The following AKAP7 variants were observed in gnomAD, a reference collection of about 807,000 sequenced individuals.
AKAP7 encodes A kinase (PRKA) anchor protein 7.
Under a neutral mutation model 39.5 loss-of-function variants are expected in AKAP7, and 39 were observed. The observed-to-expected ratio is 0.99, with a 90% CI of 0.76 to 1.29. The LOEUF (loss-of-function observed/expected upper bound fraction) is 1.29. AKAP7 is among the 50% of genes most tolerant of loss of function. AKAP7 has a pLI of 0.00. For missense variants in AKAP7, 414 were observed against 407.7 expected, an observed-to-expected ratio of 1.02 and a Z score of -0.13; for synonymous variants, 140 against 139.1, an observed-to-expected ratio of 1.01 and a Z score of -0.05.
chr6:131,231,064 G>C (rs1810586200), intron 7 of AKAP7, among the ~76,000 whole-genome samples: 1 of 152,074 alleles, frequency 6.6e-6, no homozygotes, highest in Non-Finnish European at 1.5e-5. Flanking sequence ...AGTGTAATCT[G>C]TAGATAGTTA....
At chr6:131,258,776 T>C (rs920711947) in intron 7 of AKAP7, among the ~76,000 whole-genome samples, 5 of 152,186 alleles carry the variant, frequency 3.3e-5, no homozygotes, top group Non-Finnish European at 7.3e-5. Context: ...AAATCAGAGA[T>C]ATTTGAGGCT....
chr6:131,250,694 C>CT (rs1402913396), intron 7 of AKAP7: 10 of 1,467,162 alleles, frequency 6.8e-6, no homozygotes, highest in African/African-American at 4.2e-5. Context: ...TAGTTTTGCT[C>CT]TTTTTTTAAT....
In AKAP7 at chr6:131,135,769, G is replaced by A; in HGVS notation, c.6G>A (p.Glu2=). 4.1e-6 allele frequency: 5 copies of A among 1,229,420 alleles called. No individual in the cohort carries two copies. The highest frequency in any genetic ancestry group is 5.1e-6 in the Non-Finnish European group (5 of 987,496). The allele number at this position is 1,229,420 out of a possible 1,614,324, so 76.2% of individuals were successfully genotyped here. M[E]RPEAGGINSN... Reference sequence around the variant, plus strand: ...CGCCCGCATGCGCCGCGACCATGGAGCGCCCCGAAGCGGGTGAGACCGGGC... The same window carrying A: ...CGCCCGCATGCGCCGCGACCATGGAACGCCCCGAAGCGGGTGAGACCGGGC... The change falls in exon 1 of 8, where the codon GAG becomes GAA. Residue 2 remains glutamate, a synonymous_variant. Coordinates refer to ENST00000431975, the MANE Select transcript of AKAP7 (RefSeq NM_016377.4).
intron 7 of AKAP7, among the ~76,000 whole-genome samples, chr6:131,230,340 A>G (rs756858620): frequency 3.3e-5 from 5 of 152,146 alleles, no homozygotes; most frequent in Non-Finnish European, 7.4e-5. Context: ...CTTTTCTCTG[A>G]TGATTACTAA....
At chr6:131,218,294 GAAA>G (rs1221797173) in intron 6 of AKAP7, among the ~76,000 whole-genome samples, 2 of 152,104 alleles carry the variant, frequency 1.3e-5, no homozygotes, top group African/African-American at 4.8e-5. Flanking sequence ...GTACTATGGA[GAAA>G]AATATTTGGC....
chr6:131,259,501 T>C (rs1813131073), intron 7 of AKAP7, among the ~76,000 whole-genome samples: 2 of 152,214 alleles, frequency 1.3e-5, no homozygotes, highest in Non-Finnish European at 2.9e-5. Context: ...AGAGTTGTTT[T>C]GTATGGCTCT....
chr6:131,237,853 C>A (rs1199844174), intron 7 of AKAP7, among the ~76,000 whole-genome samples: 2 of 152,132 alleles, frequency 1.3e-5, no homozygotes, highest in East Asian at 3.8e-4. Flanking sequence ...TTTCCAAAAA[C>A]CAGCTCCTGG....
intron 3 of AKAP7, 27 bp downstream of exon 3, chr6:131,160,225 C>G (rs1355638160): frequency 6.3e-7 from 1 of 1,575,980 alleles, no homozygotes; most frequent in South Asian, 1.2e-5. Flanking sequence ...GTTATTTTTA[C>G]TGTGAAATTT....
chr6:131,167,751 GTAATTTTTCAGAGA>G (rs1803648473), intron 4 of AKAP7, among the ~76,000 whole-genome samples: 1 of 152,090 alleles, frequency 6.6e-6, no homozygotes, highest in Admixed American at 6.6e-5. Context: ...TTATAGCTAT[GTAATTTTTCAGAGA>G]AATGAGACTG....
At chr6:131,247,269 GTATATATATATATATATATATA>G (rs60033504) in intron 7 of AKAP7, among the ~76,000 whole-genome samples, 3,837 of 91,976 alleles carry the variant, frequency 0.042, 242 homozygotes, top group African/African-American at 0.13. Flanking sequence ...CATTTCATAT[GTATATATATATATATATATATA>G]TATATATATA....
At chr6:131,212,420 T>G (rs1281224154) in intron 6 of AKAP7, among the ~76,000 whole-genome samples, 1 of 152,222 alleles carries the variant, frequency 6.6e-6, no homozygotes, top group Non-Finnish European at 1.5e-5. Flanking sequence ...TGTTCCATAT[T>G]TAGCTATTGT....
At chr6:131,277,866 T>A (rs1814872762) in intron 7 of AKAP7, among the ~76,000 whole-genome samples, 1 of 152,114 alleles carries the variant, frequency 6.6e-6, no homozygotes, top group Non-Finnish European at 1.5e-5. Context: ...GGTTGGTTGG[T>A]TAGTTAGTTA....
chr6:131,145,204 G>A lies in AKAP7; in HGVS notation c.20-81G>A, dbSNP rs974249243. 45 of 973,458 alleles carry A rather than the reference G, an allele frequency of 4.6e-5. No individual in the cohort carries two copies. The Middle Eastern group carries it at 9.1e-4, about 20-fold the overall frequency. The allele number at this position is 973,458 out of a possible 1,614,324, so 60.3% of individuals were successfully genotyped here. A position where few individuals can be genotyped will look rare whatever the true frequency, so the allele number is the denominator to read the frequency against. On this transcript the variant is annotated intron_variant, in intron 1 of 7. Coordinates refer to ENST00000431975, the MANE Select transcript of AKAP7 (RefSeq NM_016377.4). ...TGTTAATTTATATTGAAATCAGTGAGCTGAGTTATTTTCATTTAGGATATG... is the reference window on the plus strand; with the variant it reads ...TGTTAATTTATATTGAAATCAGTGAACTGAGTTATTTTCATTTAGGATATG...
At position 131,282,444 on chromosome 6, in the gene AKAP7, A is replaced by G. The variant is rs549023687; in HGVS notation, c.*718A>G. 2 of 1,530,642 alleles carry G rather than the reference A, an allele frequency of 1.3e-6. No homozygotes were observed. Among genetic ancestry groups the G allele is most frequent in the African/African-American group, 2.7e-5 (2 of 73,092 alleles). The allele number at this position is 1,530,642 out of a possible 1,614,324, so 94.8% of individuals were successfully genotyped here. ...CGAGACTTAATTAATGAAGCTTTGC[A>G]TCGAGAAACGATGGGTCTGAAGTCC... On this transcript the variant is annotated 3_prime_UTR_variant, in exon 8 of 8. Transcript: ENST00000431975.
chr6:131,264,163 A>G (rs1228484415), intron 7 of AKAP7, among the ~76,000 whole-genome samples: 5 of 152,166 alleles, frequency 3.3e-5, no homozygotes, highest in Non-Finnish European at 7.3e-5. Flanking sequence ...GTATGTGTTG[A>G]TTGTACAAGG....
intron 7 of AKAP7, among the ~76,000 whole-genome samples, chr6:131,262,307 G>A (rs552386310): frequency 7.2e-5 from 11 of 152,264 alleles, no homozygotes; most frequent in African/African-American, 2.6e-4. Flanking sequence ...AGCAGATCCA[G>A]CGGGCAAAGG....
At position 131,219,798 on chromosome 6, in the gene AKAP7, C is replaced by T. The variant is rs1361714712; in HGVS notation, c.840C>T (p.Ser280=). ...QSNGYYHCES[S]IVIGEKNGGE... is the part of the protein sequence containing the mutation. Reference sequence around the variant, plus strand: ...ATGGTTATTATCACTGTGAATCTTCCATTGTGATTGGTGAGTGTCATTTAA... The same window carrying T: ...ATGGTTATTATCACTGTGAATCTTCTATTGTGATTGGTGAGTGTCATTTAA... Residue 280 remains serine, a synonymous_variant, in exon 7 of 8, where the codon TCC becomes TCT. Transcript: ENST00000431975. The T allele has an allele frequency of 3.9e-6, 6 of 1,548,968 alleles. No individual in the cohort carries two copies. Among genetic ancestry groups the T allele is most frequent in the Non-Finnish European group, 5.2e-6 (6 of 1,152,194 alleles).
chr6:131,241,968 G>C, intron 7 of AKAP7: 1 of 822,122 alleles, frequency 1.2e-6, no homozygotes, highest in South Asian at 5.6e-5. Flanking sequence ...GATAATGAGG[G>C]CTAAAGAAAC....
rs1366992402 is a variant in AKAP7 at position 131,160,080 on chromosome 6, A to AT, written c.176dup (p.Leu59PhefsTer8). On this transcript the variant is annotated frameshift_variant, in exon 3 of 8. Transcript: ENST00000431975. LOFTEE classifies it high-confidence loss of function. ...CTAGTCACTGATGAACCTCAAATAA[A>AT]TTTGAAGAGAAGTCAAGAAAATGAA... The AT allele has an allele frequency of 2.5e-6, 4 of 1,593,768 alleles. No individual in the cohort carries two copies. Among genetic ancestry groups the AT allele is most frequent in the Non-Finnish European group, 3.4e-6 (4 of 1,175,090 alleles).
Sources: gnomAD v4.1 joint callset for allele counts (sites outside exome capture counted in the v4.1 genomes callset) on GRCh38, gnomAD v4.1.1 for gene constraint, MANE v1.5 for transcripts, NCBI Gene and HGNC (gene_info 2026-07-23, HGNC 2026-07-21) for gene names.